The following BICD1 variants were observed in gnomAD, a reference collection of about 807,000 sequenced individuals.
The protein encoded by BICD1 is protein bicaudal D homolog 1.
BICD1 carries 35 observed loss-of-function variants against 92.5 expected under a neutral mutation model. The observed-to-expected ratio is 0.38, with a 90% CI of 0.29 to 0.50. BICD1 has a LOEUF of 0.50. Among genes scored for constraint, BICD1 ranks in the 20% least tolerant of loss-of-function variants. BICD1 has a pLI of 0.93. For missense variants in BICD1, 950 were observed against 1,189.8 expected, an observed-to-expected ratio of 0.80 and a Z score of 2.97; for synonymous variants, 429 against 465.1, an observed-to-expected ratio of 0.92 and a Z score of 1.00.
At chr12:32,311,715 T>A (rs1328491453) in intron 4 of BICD1, among the ~76,000 whole-genome samples, 1 of 152,194 alleles carries the variant, frequency 6.6e-6, no homozygotes, top group Non-Finnish European at 1.5e-5. Flanking sequence ...CTCAGATAGC[T>A]GACTTCAGAG....
chr12:32,345,258 G>A (rs1403001103), intron 8 of BICD1, among the ~76,000 whole-genome samples: 2 of 149,000 alleles, frequency 1.3e-5, no homozygotes, highest in African/African-American at 2.5e-5. Flanking sequence ...GCGAGTGATG[G>A]AGTGAGACCC....
chr12:32,195,954 C>T (rs1944713586), intron 1 of BICD1, among the ~76,000 whole-genome samples: 1 of 152,064 alleles, frequency 6.6e-6, no homozygotes, highest in Non-Finnish European at 1.5e-5. Flanking sequence ...AGCAAGAAAA[C>T]ATAAAGCCCA....
intron 1 of BICD1, among the ~76,000 whole-genome samples, chr12:32,208,924 AGCGATTCTCCT>A (rs1435971275): frequency 4.6e-5 from 7 of 152,000 alleles, no homozygotes; most frequent in Non-Finnish European, 7.4e-5. Context: ...CCTGGGTTCA[AGCGATTCTCCT>A]GCGATTCTCC....
chr12:32,271,778 G>A (rs1016444856), intron 2 of BICD1, among the ~76,000 whole-genome samples: 1 of 152,166 alleles, frequency 6.6e-6, no homozygotes, highest in African/African-American at 2.4e-5. Flanking sequence ...CCTGGATCTC[G>A]ATTTAAAGTT....
At chr12:32,180,510 G>T (rs1365506257) in intron 1 of BICD1, among the ~76,000 whole-genome samples, 2 of 151,816 alleles carry the variant, frequency 1.3e-5, no homozygotes, top group Non-Finnish European at 2.9e-5. Context: ...CCGTCCCTTG[G>T]CTGTCTTCAT....
At chr12:32,147,963 A>AC (rs67517805) in intron 1 of BICD1, among the ~76,000 whole-genome samples, 42,773 of 150,868 alleles carry the variant, frequency 0.28, 6,263 homozygotes, top group Middle Eastern at 0.45. Flanking sequence ...ATATAGGGAG[A>AC]CCCCCCATCT....
intron 3 of BICD1, among the ~76,000 whole-genome samples, chr12:32,296,512 C>T (rs577512784): frequency 6.6e-6 from 1 of 152,228 alleles, no homozygotes; most frequent in Admixed American, 6.5e-5. Flanking sequence ...CCGCCTCAGC[C>T]TCCCAAAGTG....
chr12:32,362,926 C>T (rs1939389693), intron 8 of BICD1, among the ~76,000 whole-genome samples: 1 of 151,960 alleles, frequency 6.6e-6, no homozygotes, highest in African/African-American at 2.4e-5. Flanking sequence ...ACTTATTTTC[C>T]TCAATGTAGG....
At chr12:32,362,575 G>T (rs539331359) in intron 8 of BICD1, among the ~76,000 whole-genome samples, 21 of 152,230 alleles carry the variant, frequency 1.4e-4, no homozygotes, top group Non-Finnish European at 2.5e-4. Context: ...CTTAAAATCA[G>T]TATCTCAAAT....
At chr12:32,146,479 A>T (rs898042801) in intron 1 of BICD1, among the ~76,000 whole-genome samples, 1 of 152,282 alleles carries the variant, frequency 6.6e-6, no homozygotes, top group Non-Finnish European at 1.5e-5. Flanking sequence ...ATGACTAATG[A>T]AAAGCAAGAA....
At chr12:32,198,847 C>T (rs978868336) in intron 1 of BICD1, among the ~76,000 whole-genome samples, 1 of 152,140 alleles carries the variant, frequency 6.6e-6, no homozygotes, top group African/African-American at 2.4e-5. Context: ...AATTACTGGA[C>T]CTGTTGTGAT....
At chr12:32,129,249 G>C (rs980635213) in intron 1 of BICD1, among the ~76,000 whole-genome samples, 1 of 151,304 alleles carries the variant, frequency 6.6e-6, no homozygotes, top group Admixed American at 6.6e-5. Flanking sequence ...TGTAGGCCGG[G>C]CATGGTGGCT....
At chr12:32,262,038 A>T (rs189450459) in intron 2 of BICD1, among the ~76,000 whole-genome samples, 1 of 152,258 alleles carries the variant, frequency 6.6e-6, no homozygotes, top group Admixed American at 6.5e-5. Context: ...TTACTATTAA[A>T]CGTGACCCCA....
intron 9 of BICD1, among the ~76,000 whole-genome samples, chr12:32,375,231 T>G (rs1252143165): frequency 1.3e-5 from 2 of 151,928 alleles, no homozygotes; most frequent in African/African-American, 4.8e-5. Flanking sequence ...AGGCTTATTT[T>G]CCAATTTATA....
At chr12:32,279,568 A>G (rs1947363071) in intron 2 of BICD1, among the ~76,000 whole-genome samples, 1 of 152,226 alleles carries the variant, frequency 6.6e-6, no homozygotes, top group Admixed American at 6.5e-5. Flanking sequence ...CAAGTCATTT[A>G]TGATTTATTT....
intron 2 of BICD1, among the ~76,000 whole-genome samples, chr12:32,277,078 T>C (rs1428087668): frequency 1.3e-5 from 2 of 152,294 alleles, no homozygotes; most frequent in East Asian, 3.9e-4. Flanking sequence ...TCCAGAACTG[T>C]TTACCACTCA....
intron 2 of BICD1, among the ~76,000 whole-genome samples, chr12:32,245,646 T>C (rs925782257): frequency 1.3e-5 from 2 of 151,732 alleles, no homozygotes; most frequent in Non-Finnish European, 2.9e-5. Context: ...GAGCATAATA[T>C]TGCAATATAG....
At chr12:32,320,245 C>T (rs1337509762) in intron 4 of BICD1, among the ~76,000 whole-genome samples, 5 of 152,184 alleles carry the variant, frequency 3.3e-5, no homozygotes, top group East Asian at 1.9e-4. Context: ...GTGGCTCTCA[C>T]CTGTAATCCC....
chr12:32,328,732 A>T lies in BICD1; in HGVS notation c.2100+177A>T, dbSNP rs1229327981. ...TCATAATAATTATTGTTTTTAAATG[A>T]TGAAATACCTGTGCCCAGTTAGGTG... On this transcript the variant is annotated intron_variant, in intron 5 of 9. Transcript: ENST00000652176. This position sits in a 1 kb window ranked among gnomAD's most constrained non-coding sequence, Gnocchi z 4.4. Among the ~76,000 whole-genome samples, 1 of 152,204 alleles carries T rather than the reference A, an allele frequency of 6.6e-6. No homozygotes were observed. Among genetic ancestry groups the T allele is most frequent in the Non-Finnish European group, 1.5e-5 (1 of 68,042 alleles).
Sources: gnomAD v4.1 joint callset for allele counts (sites outside exome capture counted in the v4.1 genomes callset) on GRCh38, gnomAD v4.1.1 for gene constraint, Gnocchi (gnomAD v3.1) non-coding constraint, MANE v1.5 for transcripts, NCBI Gene and HGNC (gene_info 2026-07-23, HGNC 2026-07-21) for gene names.